Variants in MCM4 observed in about 807,000 individuals in gnomAD.
MCM4 encodes the protein DNA replication licensing factor MCM4.
A neutral mutation model predicts 88.7 loss-of-function variants in MCM4; 60 were observed. The ratio of observed to expected loss-of-function variants is 0.68; its 90% CI spans 0.55 to 0.84. The LOEUF (loss-of-function observed/expected upper bound fraction) is 0.84. Ranked by LOEUF, MCM4 falls within the 40% of genes least tolerant of loss-of-function variation. MCM4 has a pLI of 0.00. For synonymous variants in MCM4, 465 were observed against 410.5 expected (o/e 1.13, Z -1.61); for missense variants, 1,149 against 1,105.5 (o/e 1.04, Z -0.56).
chr8:47,969,940 A>G lies in MCM4; in HGVS notation c.1317A>G (p.Lys439=). Residue 439 remains lysine (K), a synonymous_variant, in exon 11 of 17, where the codon AAA becomes AAG. Transcript: ENST00000649973. ...GCCTTGATGAAGAAGCAGAACAGAA[A>G]CTTTTTTCAGAGAAACGTGTGGAAT... ...LHGLDEEAEQ[K]LFSEKRVELL... is the part of the protein sequence containing the mutation. 2 of 1,614,222 alleles carry G rather than the reference A, an allele frequency of 1.2e-6. No homozygotes were observed. The highest frequency in any genetic ancestry group is 2.2e-5 in the South Asian group (2 of 91,090).
intron 13 of MCM4, among the ~76,000 whole-genome samples, chr8:47,972,275 T>C (rs1355084042): frequency 1.3e-5 from 2 of 150,802 alleles, no homozygotes; most frequent in Non-Finnish European, 2.9e-5. Flanking sequence ...TCGTCAAAAT[T>C]ATAGTAACGT....
chr8:47,961,799 A>C, intron 3 of MCM4, 119 bp downstream of exon 3: 1 of 1,301,382 alleles, frequency 7.7e-7, no homozygotes, highest in Non-Finnish European at 1.1e-6. Flanking sequence ...TCTGCACGTG[A>C]CTGAGCATGT....
chr8:47,972,818 A>G (rs1252241888), intron 13 of MCM4, 39 bp from the exon 14 acceptor site: 5 of 1,571,852 alleles, frequency 3.2e-6, no homozygotes, highest in Admixed American at 1.7e-5. Context: ...CGGCCTCACA[A>G]GGTGCTGGAA....
Position 47,976,707 on chromosome 8 carries a change from G to T in MCM4, c.2521G>T (p.Glu841Ter). Residue 841 changes from glutamate (E) to a stop codon, truncating the protein, a stop_gained, in exon 17 of 17, where the codon GAA becomes TAA. Coordinates refer to ENST00000649973, the MANE Select transcript of MCM4 (RefSeq NM_182746.3). LOFTEE classifies it high-confidence loss of function. ...ACAGGCAATTACTAAAGATATGTTT[G>T]AAGAAGCACTGCGTGCCCTGGCAGA... Reference protein sequence around the residue: ...SDIAITKDMFEEALRALADDD... With the variant: ...SDIAITKDMF 6.2e-7 allele frequency: 1 copy of T among 1,613,222 alleles called. No individual in the cohort carries two copies. Among genetic ancestry groups the T allele is most frequent in the South Asian group, 1.1e-5 (1 of 91,016 alleles).
intron 10 of MCM4, among the ~76,000 whole-genome samples, chr8:47,968,196 C>CA (rs11481849): frequency 0.023 from 3,567 of 152,184 alleles, 109 homozygotes; most frequent in East Asian, 0.083. Context: ...CATTGATGGG[C>CA]AAGGTGGCGA....
chr8:47,964,500 C>T, intron 7 of MCM4, 74 bp from the exon 8 acceptor site: 1 of 1,178,218 alleles, frequency 8.5e-7, no homozygotes. Context: ...TTATACTTTG[C>T]TAATCTGACA....
At chr8:47,961,274 C>A (rs904583780) in intron 2 of MCM4, 60 bp downstream of exon 2, 2 of 1,429,598 alleles carry the variant, frequency 1.4e-6, no homozygotes, top group Admixed American at 6.1e-5. Flanking sequence ...GCCCTCTCGC[C>A]GCAGCTGGCA....
chr8:47,961,341 T>C, intron 2 of MCM4, 127 bp downstream of exon 2: 1 of 1,459,394 alleles, frequency 6.9e-7, no homozygotes, highest in Non-Finnish European at 9.0e-7. Flanking sequence ...CGCTGCCGCT[T>C]GGTGCGCACA....
chr8:47,970,785 T>C lies in MCM4; in HGVS notation c.1709T>C (p.Ile570Thr). Residue 570 changes from isoleucine to threonine, a missense_variant, in exon 12 of 17, where the codon ATC becomes ACC. This residue lies in a region of MCM4 where 906 missense variants were observed against 843.0 expected (regional missense o/e 1.07). Transcript: ENST00000649973. ...GCTCTTGTCCTGAGTGACAACGGCA[T>C]CTGCTGTATCGATGAGTTCGACAAG... ...TGALVLSDNG[I>T]CCIDEFDKMN... 6.2e-7 allele frequency: 1 copy of C among 1,614,202 alleles called. No homozygotes were observed. Among genetic ancestry groups the C allele is most frequent in the South Asian group, 1.1e-5 (1 of 91,078 alleles).
Position 47,962,321 on chromosome 8 carries a change from T to A in MCM4, c.416T>A (p.Ile139Lys). The change falls in exon 5 of 17, where the codon ATA becomes AAA. Residue 139 changes from isoleucine (I) to lysine (K), a missense_variant. Physicochemically the swap from Ile to Lys is moderately radical, Grantham distance 102. Transcript: ENST00000649973. ...LQSDGAAAED[I>K]VASEQSLGQK... ...TCTGTGTAGGCAGCAGCAGAAGATA[T>A]AGTGGCAAGTGAGCAGTCTCTAGGC... The A allele has an allele frequency of 6.2e-7, 1 of 1,614,184 alleles. No homozygotes were observed. Among genetic ancestry groups the A allele is most frequent in the Non-Finnish European group, 8.5e-7 (1 of 1,180,036 alleles).
rs777892524 is a variant in MCM4 at position 47,961,682 on chromosome 8, T to G, written c.235+2T>G. 12 of 1,602,254 alleles carry G rather than the reference T, an allele frequency of 7.5e-6. No homozygotes were observed. In the Admixed American group the frequency reaches 1.9e-4, roughly 25 times the overall value. On this transcript the variant is annotated splice_donor_variant, in intron 3 of 16. Transcript: ENST00000649973. LOFTEE classifies it high-confidence loss of function. ...GCCCTCCCCAAATGCATTCTTCAGGTGCGTGTCTGAAGATCTTGGTTTTGC... is the reference window on the plus strand; with the variant it reads ...GCCCTCCCCAAATGCATTCTTCAGGGGCGTGTCTGAAGATCTTGGTTTTGC...
intron 16 of MCM4, among the ~76,000 whole-genome samples, chr8:47,976,362 A>G (rs1052802178): frequency 1.3e-5 from 2 of 152,174 alleles, no homozygotes; most frequent in African/African-American, 4.8e-5. Context: ...TAGGTATGAA[A>G]TATTTGGGTG....
chr8:47,972,619 C>T (rs907265393), intron 13 of MCM4, among the ~76,000 whole-genome samples: 4 of 151,778 alleles, frequency 2.6e-5, no homozygotes, highest in South Asian at 4.2e-4. Flanking sequence ...TGCAGTGACG[C>T]GAACTTGGCT....
chr8:47,976,554 A>G (rs950800728), intron 16 of MCM4, 132 bp from the exon 17 acceptor site: 1 of 591,646 alleles, frequency 1.7e-6, no homozygotes, highest in African/African-American at 1.9e-5. Flanking sequence ...GATTTAGAGC[A>G]TAAGGCATGT....
intron 1 of MCM4, 25 bp downstream of exon 1, chr8:47,961,039 C>T (rs1038354300): frequency 4.1e-6 from 5 of 1,220,862 alleles, no homozygotes; most frequent in Non-Finnish European, 4.3e-6. Context: ...GCGGGGAGGG[C>T]GTGGCGCGGA....
In MCM4 at chr8:47,970,795, C is replaced by T. The variant is rs367775297; in HGVS notation, c.1719C>T (p.Ile573=). 57 of 1,613,960 alleles carry T rather than the reference C, an allele frequency of 3.5e-5. No homozygotes were observed. The highest frequency in any genetic ancestry group is 4.6e-5 in the Non-Finnish European group (54 of 1,179,978). The change falls in exon 12 of 17, where the codon ATC becomes ATT. Residue 573 remains isoleucine, a synonymous_variant. Transcript: ENST00000649973. The stretch of plus-strand genomic sequence containing the variant: ...TGAGTGACAACGGCATCTGCTGTAT[C>T]GATGAGTTCGACAAGATGAATGAAA... ...LVLSDNGICC[I]DEFDKMNEST...
rs1563831881 is a variant in MCM4, at chr8:47,964,731, GA to G, written c.832+20del. Reference sequence around the variant, plus strand: ...CCAGAAGGTAATGTATTTTTCATAGGATTACTTTTGTTGAAGGAAAATGCCT... The same window carrying G: ...CCAGAAGGTAATGTATTTTTCATAGGTTACTTTTGTTGAAGGAAAATGCCT... On this transcript the variant is annotated intron_variant, in intron 8 of 16. Coordinates refer to ENST00000649973, the MANE Select transcript of MCM4 (RefSeq NM_182746.3). The G allele has an allele frequency of 1.4e-5, 21 of 1,525,396 alleles. No individual in the cohort carries two copies. Among genetic ancestry groups the G allele is most frequent in the Non-Finnish European group, 1.8e-5 (21 of 1,138,644 alleles). 94.5% of individuals were successfully genotyped at this position (1,525,396 alleles called of 1,614,324 possible).
intron 11 of MCM4, 143 bp downstream of exon 11, chr8:47,970,200 C>T (rs1230990127): frequency 4.1e-6 from 4 of 972,138 alleles, no homozygotes; most frequent in Non-Finnish European, 6.1e-6. Context: ...ACCTGACTTG[C>T]CATTGGTTGA....
At chr8:47,963,644 A>G (rs1210868882) in intron 7 of MCM4, among the ~76,000 whole-genome samples, 1 of 152,230 alleles carries the variant, frequency 6.6e-6, no homozygotes, top group Admixed American at 6.5e-5. Context: ...AAGTTATCTT[A>G]AATGGAAATA....
Sources: allele counts gnomAD v4.1 joint callset (sites outside exome capture counted in the v4.1 genomes callset), GRCh38; gene constraint gnomAD v4.1.1; regional missense constraint gnomAD v4.1.1; transcripts MANE v1.5; gene names NCBI Gene and HGNC (gene_info 2026-07-23, HGNC 2026-07-21).